Variants in RGS13 observed in about 807,000 individuals in gnomAD.
The protein encoded by RGS13 is regulator of G protein signaling 13.
RGS13 carries 14 observed loss-of-function variants against 19.9 expected under a neutral mutation model. The observed-to-expected ratio is 0.70, with a 90% CI of 0.46 to 1.10. The LOEUF is 1.10. Ranked by LOEUF, RGS13 falls within the 50% of genes least tolerant of loss-of-function variation. The pLI is 0.00. For missense variants in RGS13, 205 were observed against 187.1 expected (o/e 1.10, Z -0.56); for synonymous variants, 60 against 56.8 (o/e 1.06, Z -0.25).
Position 192,658,199 on chromosome 1 carries a change from A to G in RGS13, c.128-2A>G. Reference sequence around the variant, plus strand: ...ATAAACTGATTTCTCCTCTACTTTTAGATGGTCCAGTAGTCTATGCAGCAT... The same window carrying G: ...ATAAACTGATTTCTCCTCTACTTTTGGATGGTCCAGTAGTCTATGCAGCAT... On this transcript the variant is annotated splice_acceptor_variant, in intron 5 of 6. Transcript: ENST00000391995. LOFTEE classifies it high-confidence loss of function. The G allele has an allele frequency of 6.3e-7, 1 of 1,594,364 alleles. No homozygotes were observed. The highest frequency in any genetic ancestry group is 2.2e-5 in the East Asian group (1 of 44,530).
rs1663351472 is a variant in RGS13, at chr1:192,652,149, T to C, written c.127+4162T>C. Among the ~76,000 whole-genome samples the C allele has an allele frequency of 3.3e-5, 5 of 152,090 alleles. No homozygotes were observed. The South Asian group carries it at 1.0e-3, about 32-fold the overall frequency. Reference sequence around the variant, plus strand: ...CCCTTTCTAAATTACCACAATCCCATGCAGACCACCTTAGAAATGCCAGTT... The same window carrying C: ...CCCTTTCTAAATTACCACAATCCCACGCAGACCACCTTAGAAATGCCAGTT... On this transcript the variant is annotated intron_variant, in intron 5 of 6. Transcript: ENST00000391995.
intron 3 of RGS13, among the ~76,000 whole-genome samples, chr1:192,639,872 T>A (rs1663076684): frequency 6.6e-6 from 1 of 152,152 alleles, no homozygotes; most frequent in African/African-American, 2.4e-5. Flanking sequence ...TACTTTACCT[T>A]CACTATACTT....
In RGS13 at chr1:192,659,352, T is replaced by C. The variant is rs948524270; in HGVS notation, c.309T>C (p.Ser103=). 1 of 1,610,772 alleles carries C rather than the reference T, an allele frequency of 6.2e-7. No individual in the cohort carries two copies. Among genetic ancestry groups the C allele is most frequent in the African/African-American group, 1.3e-5 (1 of 74,784 alleles). The change falls in exon 7 of 7, where the codon AGT becomes AGC. Residue 103 remains serine (S), a synonymous_variant. Coordinates refer to ENST00000391995, the MANE Select transcript of RGS13 (RefSeq NM_002927.5). ...PQSPREINID[S]STRETIIRNI... ...TCACTTTTCAGATTAACATTGACAGTTCGACAAGAGAGACTATCATCAGGA... is the reference window on the plus strand; with the variant it reads ...TCACTTTTCAGATTAACATTGACAGCTCGACAAGAGAGACTATCATCAGGA...
In RGS13 at chr1:192,639,451, G is replaced by A. The variant is rs182610201; in HGVS notation, c.-5+1248G>A. 1.0e-3 allele frequency among the ~76,000 whole-genome samples: 159 copies of A among 152,126 alleles called. 1 individual carries two copies. Among genetic ancestry groups the A allele is most frequent in the Admixed American group, 2.0e-3 (31 of 15,244 alleles). On this transcript the variant is annotated intron_variant, in intron 3 of 6. Coordinates refer to ENST00000391995, the MANE Select transcript of RGS13 (RefSeq NM_002927.5). The stretch of plus-strand genomic sequence containing the variant: ...GGACTCAGTGATTAATATAATGTGT[G>A]AACAATCGAAATATAGAAACATGGG...
chr1:192,637,825 A>G (rs541818843), intron 2 of RGS13, among the ~76,000 whole-genome samples, 165 bp downstream of exon 2: 6 of 152,220 alleles, frequency 3.9e-5, no homozygotes, highest in African/African-American at 4.8e-5. Flanking sequence ...TTTTAAGGGT[A>G]CAACTAAAGA....
At chr1:192,657,198 A>G (rs1409862489) in intron 5 of RGS13, among the ~76,000 whole-genome samples, 1 of 152,114 alleles carries the variant, frequency 6.6e-6, no homozygotes, top group African/African-American at 2.4e-5. Flanking sequence ...CAGTGTGCCT[A>G]CACAAACATT....
intron 5 of RGS13, among the ~76,000 whole-genome samples, chr1:192,651,165 T>A (rs1322565557): frequency 6.6e-6 from 1 of 152,000 alleles, no homozygotes; most frequent in Non-Finnish European, 1.5e-5. Context: ...ACGAAAATAG[T>A]GCATTCTTGT....
chr1:192,652,143 A>G (rs1251881811), intron 5 of RGS13, among the ~76,000 whole-genome samples: 2 of 152,078 alleles, frequency 1.3e-5, no homozygotes, highest in East Asian at 1.9e-4. Flanking sequence ...AATTACCACA[A>G]TCCCATGCAG....
intron 5 of RGS13, among the ~76,000 whole-genome samples, 199 bp from the exon 6 acceptor site, chr1:192,658,002 C>G (rs991750331): frequency 1.8e-4 from 27 of 152,088 alleles, no homozygotes; most frequent in African/African-American, 6.0e-4. Flanking sequence ...CATCAGTGAT[C>G]AGCATTGTCA....
chr1:192,638,306 T>G (rs1286757913), intron 3 of RGS13, 103 bp downstream of exon 3: 2 of 152,086 alleles, frequency 1.3e-5, no homozygotes, highest in Non-Finnish European at 2.9e-5. Context: ...ATCTCCTTTT[T>G]CCTTCAGTTT....
intron 4 of RGS13, chr1:192,645,750 A>C (rs980841493): frequency 3.9e-5 from 6 of 152,142 alleles, no homozygotes; most frequent in African/African-American, 1.4e-4. Context: ...CCTCCAAAAA[A>C]AATTATAAGC....
chr1:192,652,895 G>A (rs1291404708), intron 5 of RGS13, among the ~76,000 whole-genome samples: 1 of 152,038 alleles, frequency 6.6e-6, no homozygotes, highest in South Asian at 2.1e-4. Context: ...GAGGATAATG[G>A]AAGGAAACCA....
intron 1 of RGS13, among the ~76,000 whole-genome samples, chr1:192,636,945 T>C (rs959484537): frequency 4.0e-5 from 6 of 151,400 alleles, no homozygotes; most frequent in African/African-American, 1.5e-4. Context: ...ACATGCTATA[T>C]CATAAAATAA....
At chr1:192,641,241 AAAGAAAAGAAAGAAAAG>A (rs1361846298) in intron 3 of RGS13, among the ~76,000 whole-genome samples, 27 of 90,228 alleles carry the variant, frequency 3.0e-4, no homozygotes, top group Admixed American at 1.3e-3. Flanking sequence ...AGAAAGAAAG[AAAGAAAAGAAAGAAAAG>A]AAAGAAAGAA....
chr1:192,641,925 T>C (rs1401784069), intron 3 of RGS13, among the ~76,000 whole-genome samples: 2 of 152,106 alleles, frequency 1.3e-5, no homozygotes, highest in Non-Finnish European at 1.5e-5. Context: ...TAGTTCTTCC[T>C]CCAAAACGTC....
At chr1:192,656,652 CT>C (rs2102038705) in intron 5 of RGS13, among the ~76,000 whole-genome samples, 1 of 152,044 alleles carries the variant, frequency 6.6e-6, no homozygotes, top group African/African-American at 2.4e-5. Flanking sequence ...ATGTTATGTC[CT>C]TGTTGAACCG....
At position 192,646,496 on chromosome 1, in the gene RGS13, C is replaced by G. The variant is rs1454010703; in HGVS notation, c.66-1430C>G. 1.3e-5 allele frequency: 2 copies of G among 152,110 alleles called. 1 individual carries two copies. Among genetic ancestry groups the G allele is most frequent in the Admixed American group, 1.3e-4 (2 of 15,254 alleles). 9.4% of individuals were successfully genotyped at this position (152,110 alleles called of 1,614,324 possible). A position where few individuals can be genotyped will look rare whatever the true frequency, so the allele number is the denominator to read the frequency against. ...TTGCCTATTTCTGTTTTATTTCCAA[C>G]CTTTATTCTAAGTTCATGGGTACAT... is the stretch of plus-strand genomic sequence containing the variant. On this transcript the variant is annotated intron_variant, in intron 4 of 6. Coordinates refer to ENST00000391995, the MANE Select transcript of RGS13 (RefSeq NM_002927.5).
chr1:192,659,821 G>T lies in RGS13; in HGVS notation c.*298G>T, dbSNP rs533676366. The T allele has an allele frequency of 4.1e-4, 88 of 215,166 alleles. 2 individuals carry two copies. The East Asian group carries it at 8.6e-3, about 21-fold the overall frequency. 13.3% of individuals were successfully genotyped at this position (215,166 alleles called of 1,614,324 possible). On this transcript the variant is annotated 3_prime_UTR_variant, in exon 7 of 7. Transcript: ENST00000391995. The stretch of plus-strand genomic sequence containing the variant: ...TTTTTACTGTAGTAGTCAATTAATG[G>T]ATATTTCCTTGTTAATAAAATTTTG...
chr1:192,641,254 A>AAAAAAAGAAAG (rs1663109862), intron 3 of RGS13, among the ~76,000 whole-genome samples: 1 of 67,390 alleles, frequency 1.5e-5, no homozygotes, highest in Non-Finnish European at 3.1e-5. Flanking sequence ...GAAAAGAAAG[A>AAAAAAAGAAAG]AAAGAAAGAA....
Sources: gnomAD v4.1 joint callset for allele counts (sites outside exome capture counted in the v4.1 genomes callset) on GRCh38, gnomAD v4.1.1 for gene constraint, MANE v1.5 for transcripts, NCBI Gene and HGNC (gene_info 2026-07-23, HGNC 2026-07-21) for gene names.